ABLIM1: variants seen among roughly 807,000 people sequenced by gnomAD.
ABLIM1 encodes actin-binding LIM protein 1.
ABLIM1 carries 40 observed loss-of-function variants against 107.0 expected under a neutral mutation model. That is an observed-to-expected ratio of 0.37 (90% CI 0.29 to 0.49). The LOEUF (loss-of-function observed/expected upper bound fraction) is 0.49, where lower values mean the gene tolerates loss of function less well. Ranked by LOEUF, ABLIM1 falls within the 20% of genes least tolerant of loss-of-function variation. ABLIM1 has a pLI of 0.97. For synonymous variants in ABLIM1, 357 were observed against 357.3 expected (o/e 1.00, Z 0.01); for missense variants, 857 against 1,008.5 (o/e 0.85, Z 2.04).
intron 6 of ABLIM1, among the ~76,000 whole-genome samples, chr10:114,495,577 G>A (rs543917904): frequency 6.6e-6 from 1 of 152,040 alleles, no homozygotes; most frequent in East Asian, 1.9e-4. Context: ...GATGATGATG[G>A]TAATGATGAT....
At chr10:114,750,271 C>A (rs2082481781) in intron 1 of ABLIM1, among the ~76,000 whole-genome samples, 1 of 152,204 alleles carries the variant, frequency 6.6e-6, no homozygotes, top group Non-Finnish European at 1.5e-5. Context: ...GTCAAATTAT[C>A]TCCACTATGG....
At chr10:114,560,512 C>T (rs1028388766) in intron 4 of ABLIM1, among the ~76,000 whole-genome samples, 2 of 152,304 alleles carry the variant, frequency 1.3e-5, no homozygotes, top group Admixed American at 6.5e-5. Context: ...AAACACTTAT[C>T]GTGTTATAAC....
At chr10:114,594,507 TG>T (rs1371939856) in intron 2 of ABLIM1, among the ~76,000 whole-genome samples, 2 of 152,208 alleles carry the variant, frequency 1.3e-5, no homozygotes, top group African/African-American at 4.8e-5. Flanking sequence ...CCCAGCCCTT[TG>T]GGAGGCAGAG....
chr10:114,440,211 C>T, intron 19 of ABLIM1, 122 bp from the exon 20 acceptor site: 1 of 1,021,526 alleles, frequency 9.8e-7, no homozygotes, highest in Non-Finnish European at 1.5e-6. Context: ...TGTTCTTTTT[C>T]TGCTCCCAGA....
At chr10:114,467,821 T>A (rs569608860) in intron 11 of ABLIM1, among the ~76,000 whole-genome samples, 1 of 152,326 alleles carries the variant, frequency 6.6e-6, no homozygotes, top group East Asian at 1.9e-4. Flanking sequence ...TACGCCATGA[T>A]GGCTGTTGGC....
At chr10:114,454,194 TG>T (rs1157574177) in intron 12 of ABLIM1, among the ~76,000 whole-genome samples, 1 of 152,186 alleles carries the variant, frequency 6.6e-6, no homozygotes, top group Admixed American at 6.5e-5. Flanking sequence ...CTACTATGGC[TG>T]GGCACTGAGT....
chr10:114,549,556 G>T (rs1453649302), intron 4 of ABLIM1, among the ~76,000 whole-genome samples: 3 of 151,794 alleles, frequency 2.0e-5, no homozygotes, highest in Non-Finnish European at 4.4e-5. Flanking sequence ...TGTATTTCTG[G>T]CGATCTTGGA....
In ABLIM1 at chr10:114,545,038, C is replaced by G. The variant is rs770300236; in HGVS notation, c.861G>C (p.Ala287=). Residue 287 remains alanine, a synonymous_variant, in exon 6 of 23, where the codon GCG becomes GCC. Coordinates refer to ENST00000533213, the MANE Select transcript of ABLIM1 (RefSeq NM_002313.7). ...YQGLFGVKCE[A]CHQFITGKVL... Reference sequence around the variant, plus strand: ...CTTTCCCTGTGATAAACTGGTGACACGCCTCACATTTCACCCCAAAGAGTC... The same window carrying G: ...CTTTCCCTGTGATAAACTGGTGACAGGCCTCACATTTCACCCCAAAGAGTC... The G allele has an allele frequency of 6.2e-7, 1 of 1,614,162 alleles. No homozygotes were observed. Among genetic ancestry groups the G allele is most frequent in the Non-Finnish European group, 8.5e-7 (1 of 1,180,024 alleles).
At chr10:114,471,647 A>G (rs2066593282) in intron 10 of ABLIM1, among the ~76,000 whole-genome samples, 1 of 152,176 alleles carries the variant, frequency 6.6e-6, no homozygotes, top group Non-Finnish European at 1.5e-5. Context: ...TAGAAAGTAA[A>G]TAAATAAAAG....
Position 114,717,332 on chromosome 10 carries a change from A to AAAC in ABLIM1, c.-213+50728_-213+50729insGTT, listed in dbSNP as rs1317760484. On this transcript the variant is annotated intron_variant, in intron 1 of 15. Coordinates refer to the ABLIM1 transcript ENST00000651092. ...TTGTGGTCATTCCTGTCTATCACCC[A>AAAC]AATACAAAAACAATAAGACTGAAAT... Among the ~76,000 whole-genome samples the AAAC allele has an allele frequency of 9.2e-5, 14 of 152,322 alleles. No individual in the cohort carries two copies. In the South Asian group the frequency reaches 1.7e-3, roughly 18 times the overall value.
At chr10:114,742,572 T>C (rs2082308190) in intron 1 of ABLIM1, among the ~76,000 whole-genome samples, 1 of 152,210 alleles carries the variant, frequency 6.6e-6, no homozygotes, top group African/African-American at 2.4e-5. Flanking sequence ...CTCTTCCTGA[T>C]GCAGTGACTT....
intron 1 of ABLIM1, among the ~76,000 whole-genome samples, chr10:114,652,102 C>T (rs1419234258): frequency 6.6e-6 from 1 of 152,178 alleles, no homozygotes; most frequent in Admixed American, 6.5e-5. Context: ...TAATAGAGGG[C>T]CTTCACAGCT....
At chr10:114,576,657 G>C (rs919946383) in intron 2 of ABLIM1, among the ~76,000 whole-genome samples, 1 of 152,116 alleles carries the variant, frequency 6.6e-6, no homozygotes. Context: ...AGGTTCTGAT[G>C]AAAGTCACGA....
chr10:114,442,248 G>C (rs2060299400), intron 17 of ABLIM1, among the ~76,000 whole-genome samples: 2 of 152,166 alleles, frequency 1.3e-5, no homozygotes, highest in Non-Finnish European at 2.9e-5. Flanking sequence ...AGTTGATAAG[G>C]CAGCAGTAAC....
At chr10:114,798,876 A>G in the ABLIM1 span, among the ~76,000 whole-genome samples, 1 of 151,932 alleles carries the variant, frequency 6.6e-6, no homozygotes, top group East Asian at 1.9e-4. Context: ...GCTCACTGTA[A>G]CCTCCACCTT....
chr10:114,642,565 A>C (rs1308809602), intron 1 of ABLIM1, among the ~76,000 whole-genome samples: 1 of 152,208 alleles, frequency 6.6e-6, no homozygotes, highest in African/African-American at 2.4e-5. Flanking sequence ...GTGCAAGATG[A>C]AGAAAGATTT....
intron 1 of ABLIM1, among the ~76,000 whole-genome samples, chr10:114,745,204 T>A (rs1026340782): frequency 6.6e-6 from 1 of 152,302 alleles, no homozygotes; most frequent in South Asian, 2.1e-4. Context: ...AAAGAGTCTA[T>A]TCTCTTAACT....
At chr10:114,543,627 T>C (rs1392535135) in intron 6 of ABLIM1, among the ~76,000 whole-genome samples, 1 of 152,178 alleles carries the variant, frequency 6.6e-6, no homozygotes, top group East Asian at 1.9e-4. Context: ...CTCTCATACG[T>C]TCTTTACACA....
intron 1 of ABLIM1, among the ~76,000 whole-genome samples, chr10:114,742,323 G>T (rs1247977295): frequency 6.6e-6 from 1 of 152,132 alleles, no homozygotes; most frequent in African/African-American, 2.4e-5. Context: ...TTAGCTAACT[G>T]CAAAATGCCA....
Sources: gnomAD v4.1 joint callset for allele counts (sites outside exome capture counted in the v4.1 genomes callset) on GRCh38, gnomAD v4.1.1 for gene constraint, MANE v1.5 for transcripts, NCBI Gene and HGNC (gene_info 2026-07-23, HGNC 2026-07-21) for gene names.